The following MAF variants were observed in gnomAD, a reference collection of about 807,000 sequenced individuals.
MAF encodes transcription factor Maf.
In MAF, 10 loss-of-function variants were observed where a neutral mutation model predicts 22.0. That is an observed-to-expected ratio of 0.45 (90% CI 0.28 to 0.77). MAF has a LOEUF of 0.77. Among genes scored for constraint, MAF ranks in the 30% least tolerant of loss-of-function variants. The pLI, the probability that MAF is intolerant of heterozygous loss-of-function variation, is 0.12. For synonymous variants in MAF, 337 were observed against 255.8 expected (o/e 1.32, Z -3.03); for missense variants, 544 against 548.4 (o/e 0.99, Z 0.08).
chr16:79,420,364 C>T, the MAF span, among the ~76,000 whole-genome samples: 6 of 152,298 alleles, frequency 3.9e-5, no homozygotes, highest in East Asian at 3.9e-4. Context: ...AACACAGTCA[C>T]GTTTCTGAAC....
chr16:79,502,700 TAA>T, the MAF span, among the ~76,000 whole-genome samples: 977 of 24,438 alleles, frequency 0.04, 80 homozygotes, highest in African/African-American at 0.099. Flanking sequence ...AATATAAATA[TAA>T]ATATAAATAT....
the MAF span, among the ~76,000 whole-genome samples, chr16:79,371,207 A>C: frequency 6.6e-6 from 1 of 152,114 alleles, no homozygotes; most frequent in Non-Finnish European, 1.5e-5. Context: ...TGCCTCTTCA[A>C]CATAGTGGTC....
chr16:79,212,002 G>T, the MAF span: 3 of 1,536,038 alleles, frequency 2.0e-6, no homozygotes, highest in South Asian at 3.6e-5. Context: ...TCTGGGGCTG[G>T]GCTAGGCATA....
chr16:79,443,923 T>A, the MAF span, among the ~76,000 whole-genome samples: 1 of 152,054 alleles, frequency 6.6e-6, no homozygotes, highest in Non-Finnish European at 1.5e-5. Flanking sequence ...TTTTTTTAAA[T>A]GAAGATTTCT....
chr16:79,362,708 A>C, the MAF span, among the ~76,000 whole-genome samples: 1 of 152,166 alleles, frequency 6.6e-6, no homozygotes, highest in East Asian at 1.9e-4. Context: ...TAGACTGCAT[A>C]CCTTTACATT....
chr16:79,410,271 T>C, the MAF span, among the ~76,000 whole-genome samples: 128 of 152,340 alleles, frequency 8.4e-4, 5 homozygotes, highest in South Asian at 0.024. Context: ...TGTGAATCTG[T>C]TGTGATTCTG....
At chr16:79,511,962 A>G in the MAF span, among the ~76,000 whole-genome samples, 2 of 152,166 alleles carry the variant, frequency 1.3e-5, no homozygotes, top group African/African-American at 2.4e-5. Context: ...CTGCTCTGTT[A>G]TATATTCAAC....
chr16:79,320,454 G>C, the MAF span, among the ~76,000 whole-genome samples: 2 of 152,194 alleles, frequency 1.3e-5, no homozygotes, highest in African/African-American at 4.8e-5. Context: ...CAGCCCATGA[G>C]TTCAGTGGAA....
At chr16:79,211,357 C>G in the MAF span, among the ~76,000 whole-genome samples, 1 of 152,126 alleles carries the variant, frequency 6.6e-6, no homozygotes, top group African/African-American at 2.4e-5. Context: ...ATTTTCCAAG[C>G]CTGTCCCTGT....
chr16:79,353,346 C>G, the MAF span, among the ~76,000 whole-genome samples: 1 of 152,176 alleles, frequency 6.6e-6, no homozygotes, highest in African/African-American at 2.4e-5. Context: ...CCAGGCTAGT[C>G]TTGAACTGCG....
At chr16:79,326,291 G>A in the MAF span, among the ~76,000 whole-genome samples, 1 of 152,102 alleles carries the variant, frequency 6.6e-6, no homozygotes, top group Non-Finnish European at 1.5e-5. Flanking sequence ...ATGTATAAAA[G>A]TACTTATCAT....
At chr16:79,246,527 G>C in the MAF span, among the ~76,000 whole-genome samples, 1 of 114,278 alleles carries the variant, frequency 8.8e-6, no homozygotes, top group Non-Finnish European at 1.8e-5. Context: ...GTTTGGTTTA[G>C]GCAGGTTTTT....
chr16:79,531,093 T>C, the MAF span, among the ~76,000 whole-genome samples: 57 of 152,350 alleles, frequency 3.7e-4, no homozygotes, highest in African/African-American at 1.3e-3. Flanking sequence ...GGTGTTAAAG[T>C]ATGTACTCTT....
At chr16:79,520,067 G>A in the MAF span, among the ~76,000 whole-genome samples, 21 of 152,176 alleles carry the variant, frequency 1.4e-4, no homozygotes, top group African/African-American at 2.4e-4. Flanking sequence ...CAAAAGGTTC[G>A]CATAGGTATT....
the MAF span, among the ~76,000 whole-genome samples, chr16:79,474,951 A>G: frequency 2.0e-5 from 3 of 152,216 alleles, no homozygotes; most frequent in East Asian, 3.9e-4. Flanking sequence ...CATTAATCCA[A>G]CAGAGATCAA....
chr16:79,451,206 G>A, the MAF span, among the ~76,000 whole-genome samples: 2 of 152,208 alleles, frequency 1.3e-5, no homozygotes, highest in Non-Finnish European at 2.9e-5. Flanking sequence ...TAGTTGTTTA[G>A]TCTATGCTAG....
the MAF span, among the ~76,000 whole-genome samples, chr16:79,420,983 G>A: frequency 6.6e-6 from 1 of 151,548 alleles, no homozygotes; most frequent in Non-Finnish European, 1.5e-5. Flanking sequence ...GCAGTGAGCT[G>A]AGATCGCACC....
At chr16:79,482,796 G>A in the MAF span, among the ~76,000 whole-genome samples, 3 of 151,562 alleles carry the variant, frequency 2.0e-5, no homozygotes, top group South Asian at 2.1e-4. Flanking sequence ...GCAGCTTCTT[G>A]CAGCAGATGC....
the MAF span, among the ~76,000 whole-genome samples, chr16:79,564,640 G>C: frequency 2.6e-5 from 4 of 152,174 alleles, no homozygotes; most frequent in Non-Finnish European, 4.4e-5. Context: ...GCCCACAGTG[G>C]TCCGACCCAC....
Sources: allele counts gnomAD v4.1 joint callset (sites outside exome capture counted in the v4.1 genomes callset), GRCh38; gene constraint gnomAD v4.1.1; transcripts MANE v1.5; gene names NCBI Gene and HGNC (gene_info 2026-07-23, HGNC 2026-07-21).